Variants in PTBP2 observed in about 807,000 individuals in gnomAD.
PTBP2 encodes the protein polypyrimidine tract binding protein 2.
PTBP2 carries 13 observed loss-of-function variants against 61.4 expected under a neutral mutation model. That is an observed-to-expected ratio of 0.21 (90% CI 0.14 to 0.34). The LOEUF (loss-of-function observed/expected upper bound fraction) is 0.34. Ranked by LOEUF, PTBP2 falls within the 10% of genes least tolerant of loss-of-function variation. PTBP2 has a pLI of 1.00. For synonymous variants in PTBP2, 215 were observed against 218.5 expected (o/e 0.98, Z 0.14); for missense variants, 405 against 642.6 (o/e 0.63, Z 4.00).
intron 2 of PTBP2, among the ~76,000 whole-genome samples, chr1:96,735,020 C>T (rs149226131): frequency 1.3e-3 from 202 of 150,716 alleles, no homozygotes; most frequent in African/African-American, 4.6e-3. Flanking sequence ...CGGATTCAAG[C>T]GATTCTCCTG....
At chr1:96,799,155 A>C (rs145566158) in intron 8 of PTBP2, among the ~76,000 whole-genome samples, 12 of 152,288 alleles carry the variant, frequency 7.9e-5, no homozygotes, top group Non-Finnish European at 1.3e-4. Context: ...GTCACTCAAA[A>C]TGTCTGGGTG....
Position 96,795,871 on chromosome 1 carries a change from C to T in PTBP2, c.905-8929C>T, listed in dbSNP as rs143041683. Among the ~76,000 whole-genome samples the T allele has an allele frequency of 1.2e-3, 185 of 152,144 alleles. No homozygotes were observed. The Middle Eastern group carries it at 0.014, about 11-fold the overall frequency. On this transcript the variant is annotated intron_variant, in intron 8 of 13. Transcript: ENST00000674951. ...CATGGGTTTGGAGTCCTCTCAGGTT[C>T]CATGTTTGTAATGGACATAATGATA...
chr1:96,755,368 A>ATGTG (rs1048724843), intron 3 of PTBP2, among the ~76,000 whole-genome samples: 1 of 152,216 alleles, frequency 6.6e-6, no homozygotes, highest in African/African-American at 2.4e-5. Context: ...GTTGGGAAGA[A>ATGTG]TGTGGAAGAA....
chr1:96,790,503 CCCTAA>C (rs1659681473), intron 8 of PTBP2, among the ~76,000 whole-genome samples: 1 of 151,742 alleles, frequency 6.6e-6, no homozygotes, highest in African/African-American at 2.4e-5. Flanking sequence ...GCTTTTTCTC[CCCTAA>C]TTCACATATT....
intron 2 of PTBP2, among the ~76,000 whole-genome samples, chr1:96,724,710 T>TAGGGGGG (rs1406951725): frequency 1.5e-5 from 1 of 66,524 alleles, no homozygotes; most frequent in Non-Finnish European, 2.7e-5. Context: ...TTGGGAGATA[T>TAGGGGGG]AGGGGGGAGG....
intron 8 of PTBP2, among the ~76,000 whole-genome samples, chr1:96,791,837 T>TTTTTTTTTGTTTTTTTTTTG (rs1557759271): frequency 7.3e-6 from 1 of 136,858 alleles, no homozygotes; most frequent in Non-Finnish European, 1.6e-5. Context: ...TTTTTTTTTT[T>TTTTTTTTTGTTTTTTTTTTG]TTTTTTTTTT....
At chr1:96,791,133 A>G (rs1420697568) in intron 8 of PTBP2, among the ~76,000 whole-genome samples, 1 of 152,050 alleles carries the variant, frequency 6.6e-6, no homozygotes, top group Non-Finnish European at 1.5e-5. Flanking sequence ...TTCTTTTTGA[A>G]TAGGATGATA....
chr1:96,764,649 A>G (rs1401547910), intron 3 of PTBP2, among the ~76,000 whole-genome samples: 1 of 152,190 alleles, frequency 6.6e-6, no homozygotes, highest in African/African-American at 2.4e-5. Context: ...TTACAGACAT[A>G]TTTTTGAGGT....
intron 3 of PTBP2, among the ~76,000 whole-genome samples, chr1:96,753,974 C>T (rs1654872115): frequency 6.6e-6 from 1 of 152,112 alleles, no homozygotes; most frequent in Non-Finnish European, 1.5e-5. Context: ...GGGAATAAAA[C>T]ATCTATCTGT....
At chr1:96,727,693 T>C (rs755323313) in intron 2 of PTBP2, among the ~76,000 whole-genome samples, 4 of 152,204 alleles carry the variant, frequency 2.6e-5, no homozygotes, top group Non-Finnish European at 5.9e-5. Flanking sequence ...TTATCTTTGG[T>C]GAAGTGTCTG....
chr1:96,804,523 T>A (rs1661321399), intron 8 of PTBP2, among the ~76,000 whole-genome samples: 1 of 152,188 alleles, frequency 6.6e-6, no homozygotes, highest in South Asian at 2.1e-4. Flanking sequence ...TGTTTGCTTT[T>A]CCAGAGGAAA....
intron 3 of PTBP2, among the ~76,000 whole-genome samples, chr1:96,758,973 A>G (rs914204387): frequency 1.3e-5 from 2 of 152,322 alleles, no homozygotes; most frequent in African/African-American, 2.4e-5. Flanking sequence ...TACAAGTTCT[A>G]TGTACAGAAA....
At chr1:96,757,697 C>A (rs1484273847) in intron 3 of PTBP2, among the ~76,000 whole-genome samples, 2 of 152,002 alleles carry the variant, frequency 1.3e-5, no homozygotes, top group African/African-American at 4.8e-5. Flanking sequence ...TAAAATAACT[C>A]AATAAATTTC....
chr1:96,734,752 T>C (rs1330424929), intron 2 of PTBP2, among the ~76,000 whole-genome samples: 1 of 151,952 alleles, frequency 6.6e-6, no homozygotes, highest in Non-Finnish European at 1.5e-5. Flanking sequence ...TCTATTTTTT[T>C]GGTAATATTT....
At chr1:96,804,340 A>G (rs957361558) in intron 8 of PTBP2, among the ~76,000 whole-genome samples, 10 of 152,200 alleles carry the variant, frequency 6.6e-5, no homozygotes, top group African/African-American at 2.2e-4. Flanking sequence ...CCTTTGTTTC[A>G]TAAGCTGTAA....
At chr1:96,795,192 C>T (rs1199939379) in intron 8 of PTBP2, among the ~76,000 whole-genome samples, 3 of 151,952 alleles carry the variant, frequency 2.0e-5, no homozygotes, top group African/African-American at 7.3e-5. Context: ...GACTGTGGCT[C>T]CAGAGTATGT....
chr1:96,768,944 A>G (rs1420391776), intron 3 of PTBP2, among the ~76,000 whole-genome samples: 1 of 152,024 alleles, frequency 6.6e-6, no homozygotes, highest in African/African-American at 2.4e-5. Flanking sequence ...CAAACAATTT[A>G]TAATTTCTCA....
intron 2 of PTBP2, among the ~76,000 whole-genome samples, chr1:96,734,368 G>T (rs2100821661): frequency 6.6e-6 from 1 of 152,062 alleles, no homozygotes; most frequent in Non-Finnish European, 1.5e-5. Context: ...TCAAAAGACT[G>T]TTAGGACACA....
At chr1:96,729,791 C>A (rs913667170) in intron 2 of PTBP2, among the ~76,000 whole-genome samples, 2 of 142,014 alleles carry the variant, frequency 1.4e-5, no homozygotes, top group African/African-American at 5.3e-5. Flanking sequence ...GGCTGGAGTG[C>A]AGTGGCACCA....
Sources: allele counts gnomAD v4.1 joint callset (sites outside exome capture counted in the v4.1 genomes callset), GRCh38; gene constraint gnomAD v4.1.1; transcripts MANE v1.5; gene names NCBI Gene and HGNC (gene_info 2026-07-23, HGNC 2026-07-21).